The following TTC39B variants were observed in gnomAD, a reference collection of about 807,000 sequenced individuals.
The protein encoded by TTC39B is tetratricopeptide repeat protein 39B.
A neutral mutation model predicts 96.6 loss-of-function variants in TTC39B; 92 were observed. The observed-to-expected ratio is 0.95, with a 90% CI of 0.80 to 1.13. TTC39B has a LOEUF of 1.13. Ranked by LOEUF, TTC39B falls within the 50% of genes most tolerant of loss-of-function variation. The pLI, the probability that TTC39B is intolerant of heterozygous loss-of-function variation, is 0.00. For synonymous variants in TTC39B, 367 were observed against 299.4 expected (o/e 1.23, Z -2.33); for missense variants, 955 against 809.3 (o/e 1.18, Z -2.18).
chr9:15,196,793 G>A (rs1819195943), intron 8 of TTC39B, among the ~76,000 whole-genome samples: 2 of 152,208 alleles, frequency 1.3e-5, no homozygotes, highest in South Asian at 2.1e-4. Context: ...AAGTTCTCCT[G>A]TGGGTAAAGT....
At chr9:15,263,232 C>T (rs963504623) in intron 2 of TTC39B, among the ~76,000 whole-genome samples, 1 of 152,124 alleles carries the variant, frequency 6.6e-6, no homozygotes, top group Non-Finnish European at 1.5e-5. Flanking sequence ...TCTGGAGAAC[C>T]CACACTCTTA....
chr9:15,186,119 T>C (rs2118697810), intron 15 of TTC39B, among the ~76,000 whole-genome samples: 1 of 152,294 alleles, frequency 6.6e-6, no homozygotes, highest in Non-Finnish European at 1.5e-5. Context: ...AACAAGTTGC[T>C]GAGAAAGAAT....
intron 1 of TTC39B, among the ~76,000 whole-genome samples, chr9:15,294,558 A>G (rs1339290202): frequency 2.0e-5 from 3 of 152,196 alleles, no homozygotes; most frequent in Non-Finnish European, 4.4e-5. Context: ...TCAGTTTTAG[A>G]TAGAGCTGGA....
At chr9:15,205,327 G>T (rs1819784042) in intron 6 of TTC39B, among the ~76,000 whole-genome samples, 1 of 151,994 alleles carries the variant, frequency 6.6e-6, no homozygotes, top group Non-Finnish European at 1.5e-5. Flanking sequence ...CTTATTATTG[G>T]GATTAGTGCT....
intron 16 of TTC39B, among the ~76,000 whole-genome samples, chr9:15,183,789 T>C (rs966486256): frequency 1.3e-5 from 2 of 152,134 alleles, no homozygotes; most frequent in Non-Finnish European, 2.9e-5. Flanking sequence ...AGGGAGATGT[T>C]TGGTTATTTG....
intron 1 of TTC39B, among the ~76,000 whole-genome samples, chr9:15,300,815 T>C (rs1010891274): frequency 7.7e-6 from 1 of 130,690 alleles, no homozygotes; most frequent in Non-Finnish European, 1.6e-5. Context: ...GAACCCAGGC[T>C]GTGGGGGCAG....
chr9:15,208,006 GA>G (rs1398781506), intron 6 of TTC39B, among the ~76,000 whole-genome samples: 11 of 144,484 alleles, frequency 7.6e-5, no homozygotes, highest in African/African-American at 2.9e-4. Flanking sequence ...AAAAAAAAAG[GA>G]GCATTATCAT....
intron 1 of TTC39B, among the ~76,000 whole-genome samples, chr9:15,286,125 T>C (rs1447831390): frequency 6.6e-6 from 1 of 152,256 alleles, no homozygotes; most frequent in Non-Finnish European, 1.5e-5. Context: ...TGGAGTTCTC[T>C]ACTTGCATAA....
chr9:15,296,216 A>G (rs932496547), intron 1 of TTC39B, among the ~76,000 whole-genome samples: 3 of 152,242 alleles, frequency 2.0e-5, no homozygotes, highest in South Asian at 4.1e-4. Flanking sequence ...TTGGTTTTCT[A>G]TCTCAGAACT....
chr9:15,230,546 T>C (rs1235740792), intron 2 of TTC39B, among the ~76,000 whole-genome samples: 2 of 152,268 alleles, frequency 1.3e-5, no homozygotes, highest in African/African-American at 4.8e-5. Context: ...TGTGGTATCA[T>C]GTAACAGTAC....
At chr9:15,177,838 A>G (rs1389777599) in intron 17 of TTC39B, 24 bp from the exon 18 acceptor site, 1 of 1,403,148 alleles carries the variant, frequency 7.1e-7, no homozygotes, top group Non-Finnish European at 9.8e-7. Flanking sequence ...ACATACAAAG[A>G]AAACACACAA....
intron 1 of TTC39B, among the ~76,000 whole-genome samples, chr9:15,300,358 C>G (rs1458749438): frequency 2.0e-5 from 3 of 152,188 alleles, no homozygotes; most frequent in Non-Finnish European, 2.9e-5. Context: ...GACCCTCAAA[C>G]TGGGGGACAG....
chr9:15,200,390 T>C (rs1328529625), intron 7 of TTC39B, among the ~76,000 whole-genome samples: 5 of 152,234 alleles, frequency 3.3e-5, no homozygotes, highest in African/African-American at 1.2e-4. Flanking sequence ...GTCTTTTTAA[T>C]GTTGCGAATT....
chr9:15,295,520 A>G (rs1463887119), intron 1 of TTC39B, among the ~76,000 whole-genome samples: 1 of 152,208 alleles, frequency 6.6e-6, no homozygotes, highest in East Asian at 1.9e-4. Context: ...CTTCTGTAGA[A>G]TTCTCTTTTC....
chr9:15,213,757 A>C (rs1280399806), intron 4 of TTC39B, among the ~76,000 whole-genome samples: 4 of 152,216 alleles, frequency 2.6e-5, no homozygotes, highest in Admixed American at 1.3e-4. Flanking sequence ...AAATTTCTTA[A>C]TAGCATTGAG....
At chr9:15,234,528 G>A (rs1333852941) in intron 2 of TTC39B, among the ~76,000 whole-genome samples, 2 of 151,842 alleles carry the variant, frequency 1.3e-5, no homozygotes, top group African/African-American at 2.4e-5. Flanking sequence ...TCTGGGAGGT[G>A]TACCCAACAG....
At chr9:15,285,758 G>A (rs530808416) in intron 1 of TTC39B, among the ~76,000 whole-genome samples, 2 of 152,252 alleles carry the variant, frequency 1.3e-5, no homozygotes, top group African/African-American at 4.8e-5. Context: ...AGGAGGCTGA[G>A]GCAGGAGAAT....
intron 4 of TTC39B, 62 bp from the exon 5 acceptor site, chr9:15,211,459 C>T: frequency 7.4e-7 from 1 of 1,352,270 alleles, no homozygotes; most frequent in African/African-American, 1.5e-5. Flanking sequence ...CATAAGAAAT[C>T]CTAGTAAATG....
At chr9:15,179,167 T>A (rs971549068) in intron 17 of TTC39B, among the ~76,000 whole-genome samples, 8 of 152,208 alleles carry the variant, frequency 5.3e-5, no homozygotes, top group Non-Finnish European at 1.2e-4. Flanking sequence ...AAGGTAGCCA[T>A]TCCACATTTA....
Sources: allele counts gnomAD v4.1 joint callset (sites outside exome capture counted in the v4.1 genomes callset), GRCh38; gene constraint gnomAD v4.1.1; transcripts MANE v1.5; gene names NCBI Gene and HGNC (gene_info 2026-07-23, HGNC 2026-07-21).